RFT1: variants seen among roughly 807,000 people sequenced by gnomAD.
RFT1 encodes RFT1 glycolipid translocator homolog, also known as man(5)GlcNAc(2)-PP-dolichol translocation protein RFT1.
Under a neutral mutation model 62.2 loss-of-function variants are expected in RFT1, and 43 were observed. The ratio of observed to expected loss-of-function variants is 0.69; its 90% CI spans 0.54 to 0.89. RFT1 has a LOEUF of 0.89. Among genes scored for constraint, RFT1 ranks in the 40% least tolerant of loss-of-function variants. The pLI, the probability that RFT1 is intolerant of heterozygous loss-of-function variation, is 0.00. For synonymous variants in RFT1, 262 were observed against 264.6 expected, an observed-to-expected ratio of 0.99 and a Z score of 0.10; for missense variants, 605 against 649.9, an observed-to-expected ratio of 0.93 and a Z score of 0.75.
chr3:53,073,457 C>T, the RFT1 span, among the ~76,000 whole-genome samples: 1 of 152,194 alleles, frequency 6.6e-6, no homozygotes. Context: ...ACCCTTTGTC[C>T]CCCAAGGGAA....
rs754395993 is a variant in RFT1 at position 53,122,444 on chromosome 3, G to C, written c.386C>G (p.Ser129Trp). 6.2e-7 allele frequency: 1 copy of C among 1,613,952 alleles called. No individual in the cohort carries two copies. Among genetic ancestry groups the C allele is most frequent in the African/African-American group, 1.3e-5 (1 of 74,978 alleles). Residue 129 changes from serine (S) to tryptophan (W), a missense_variant, in exon 4 of 13, where the codon TCG becomes TGG. Transcript: ENST00000296292. ...YATGVVLFGL[S>W]AVVELLGEPF... is the part of the protein sequence containing the mutation. ...CTCTCCTAGAAGCTCCACCACTGCC[G>C]AGAGACCAAACAGCACCACTCCAGT...
chr3:53,086,872 C>T (rs1463734421), downstream of RFT1, among the ~76,000 whole-genome samples: 1 of 152,200 alleles, frequency 6.6e-6, no homozygotes, highest in Non-Finnish European at 1.5e-5. Flanking sequence ...GCTCTCCTCA[C>T]TAGCAAGCCC....
intron 1 of RFT1, among the ~76,000 whole-genome samples, chr3:53,126,438 C>A (rs967031884): frequency 1.3e-5 from 2 of 152,334 alleles, no homozygotes; most frequent in South Asian, 4.1e-4. Flanking sequence ...CACCAGAAAT[C>A]ATGGGGACTA....
chr3:53,123,574 G>A, intron 3 of RFT1, 150 bp downstream of exon 3: 1 of 687,230 alleles, frequency 1.5e-6, no homozygotes, highest in East Asian at 2.7e-5. Flanking sequence ...CACAAACACT[G>A]TCCCCGTCTT....
At chr3:53,103,925 A>C in intron 10 of RFT1, 28 bp downstream of exon 10, 1 of 1,613,938 alleles carries the variant, frequency 6.2e-7, no homozygotes, top group East Asian at 2.2e-5. Flanking sequence ...GGAAATCAGA[A>C]AAAATCCAGA....
the RFT1 span, among the ~76,000 whole-genome samples, chr3:53,072,012 C>A: frequency 6.6e-6 from 1 of 152,210 alleles, no homozygotes. Context: ...ATGGCATGCA[C>A]CATGGGTTCC....
At position 53,130,368 on chromosome 3, in the gene RFT1, G is replaced by A. The variant is rs772183055; in HGVS notation, c.33C>T (p.Ala11=). The A allele has an allele frequency of 1.3e-6, 2 of 1,565,404 alleles. No homozygotes were observed. Among genetic ancestry groups the A allele is most frequent in the Non-Finnish European group, 1.7e-6 (2 of 1,155,336 alleles). MGSQEVLGHA[A]RLASSGLLLQ... ...GGAGGAGACCGGAGGAGGCCAGCCGGGCCGCGTGGCCCAGCACCTCCTGGC... is the reference window on the plus strand; with the variant it reads ...GGAGGAGACCGGAGGAGGCCAGCCGAGCCGCGTGGCCCAGCACCTCCTGGC... Residue 11 remains alanine, a synonymous_variant, in exon 1 of 13, where the codon GCC becomes GCT. Coordinates refer to ENST00000296292, the MANE Select transcript of RFT1 (RefSeq NM_052859.4).
Position 53,105,806 on chromosome 3 carries a change from AC to A in RFT1, c.827-4del. The A allele has an allele frequency of 6.2e-7, 1 of 1,612,072 alleles. No individual in the cohort carries two copies. Among genetic ancestry groups the A allele is most frequent in the Non-Finnish European group, 8.5e-7 (1 of 1,179,004 alleles). ...ATTATTCACTATATCATACACACCTACAAAACAAAAAAGAAGAAACAACAAT... is the reference window on the plus strand; with the variant it reads ...ATTATTCACTATATCATACACACCTAAAAACAAAAAAGAAGAAACAACAAT... On this transcript the variant is annotated splice_region_variant and splice_polypyrimidine_tract_variant and intron_variant, in intron 8 of 12. Coordinates refer to ENST00000296292, the MANE Select transcript of RFT1 (RefSeq NM_052859.4).
intron 9 of RFT1, among the ~76,000 whole-genome samples, chr3:53,104,619 T>A (rs183771435): frequency 2.6e-4 from 39 of 152,358 alleles, no homozygotes; most frequent in Middle Eastern, 3.4e-3. Context: ...ATTATGATGA[T>A]ACTGTGAAGG....
intron 2 of RFT1, among the ~76,000 whole-genome samples, chr3:53,124,311 C>A (rs1489076399): frequency 6.6e-6 from 1 of 152,212 alleles, no homozygotes; most frequent in African/African-American, 2.4e-5. Flanking sequence ...CTGCTGCAAC[C>A]CAGATCAGCA....
intron 7 of RFT1, 35 bp downstream of exon 7, chr3:53,111,795 G>A (rs745848698): frequency 6.5e-7 from 1 of 1,549,550 alleles, no homozygotes; most frequent in African/African-American, 1.4e-5. Flanking sequence ...CTTCTACTAT[G>A]GTCTCCCGAC....
chr3:53,092,585 T>C lies in RFT1; in HGVS notation c.1242A>G (p.Ser414=). Residue 414 remains serine, a synonymous_variant, in exon 12 of 13, where the codon TCA becomes TCG. Transcript: ENST00000296292. ...YNFVMLALSS[S]FLVLSYLLTR... ...TCAAGAGATAGGATAACACCAGGAA[T>C]GAGGAGGACAGGGCCAGCATCACAA... The C allele has an allele frequency of 6.2e-7, 1 of 1,612,282 alleles. No homozygotes were observed. The highest frequency in any genetic ancestry group is 8.5e-7 in the Non-Finnish European group (1 of 1,179,460).
rs573065804 is a variant in RFT1 at position 53,112,781 on chromosome 3, A to G, written c.697-873T>C. ...TAAATAAAACTCCCAGCGGCACCAA[A>G]TGGCCCATTTCCTAAGGACAAGGAA... On this transcript the variant is annotated intron_variant, in intron 6 of 12. Transcript: ENST00000296292. 2.0e-5 allele frequency among the ~76,000 whole-genome samples: 3 copies of G among 152,256 alleles called. No homozygotes were observed. In the East Asian group the frequency reaches 5.8e-4, roughly 29 times the overall value.
chr3:53,082,799 T>TG, the RFT1 span, among the ~76,000 whole-genome samples: 17 of 152,194 alleles, frequency 1.1e-4, no homozygotes, highest in East Asian at 2.3e-3. Flanking sequence ...GAAGGGCAGT[T>TG]GGGTGGGGGT....
rs150695725 is a variant in RFT1, at chr3:53,103,949, G to T, written c.1102+4C>A. The stretch of plus-strand genomic sequence containing the variant: ...AAAAAATCCAGAAAAACTCTTGTGC[G>T]TACCGGATCCTGAGCTAAGCATGGT... On this transcript the variant is annotated splice_donor_region_variant and intron_variant, in intron 10 of 12. Coordinates refer to ENST00000296292, the MANE Select transcript of RFT1 (RefSeq NM_052859.4). 10 of 1,614,044 alleles carry T rather than the reference G, an allele frequency of 6.2e-6. No homozygotes were observed. Among genetic ancestry groups the T allele is most frequent in the African/African-American group, 2.7e-5 (2 of 74,934 alleles).
chr3:53,103,826 C>G, intron 10 of RFT1, 127 bp downstream of exon 10: 1 of 1,200,502 alleles, frequency 8.3e-7, no homozygotes, highest in Non-Finnish European at 1.2e-6. Context: ...CCCACAGCCC[C>G]TGCCACCAGA....
intron 8 of RFT1, 135 bp from the exon 9 acceptor site, chr3:53,105,938 A>G: frequency 1.1e-6 from 1 of 938,004 alleles, no homozygotes; most frequent in South Asian, 1.6e-5. Flanking sequence ...ACAGAGTTAT[A>G]AGAAGTAATA....
chr3:53,110,330 C>T (rs1224146284), intron 7 of RFT1, among the ~76,000 whole-genome samples: 2 of 152,204 alleles, frequency 1.3e-5, no homozygotes, highest in Admixed American at 1.3e-4. Flanking sequence ...TTACCCCATT[C>T]ACAAATACAT....
intron 8 of RFT1, 36 bp from the exon 9 acceptor site, chr3:53,105,839 G>T: frequency 6.3e-7 from 1 of 1,590,610 alleles, no homozygotes; most frequent in Non-Finnish European, 8.6e-7. Flanking sequence ...CAATCATGTT[G>T]GTTTTTCTAT....
Sources: allele counts gnomAD v4.1 joint callset (sites outside exome capture counted in the v4.1 genomes callset), GRCh38; gene constraint gnomAD v4.1.1; transcripts MANE v1.5; gene names NCBI Gene and HGNC (gene_info 2026-07-23, HGNC 2026-07-21).